AFAP1: variants seen among roughly 807,000 people sequenced by gnomAD.
AFAP1 encodes actin filament-associated protein 1.
AFAP1 carries 75 observed loss-of-function variants against 93.9 expected under a neutral mutation model. The ratio of observed to expected loss-of-function variants is 0.80; its 90% CI spans 0.66 to 0.97. AFAP1 has a LOEUF of 0.97. Ranked by LOEUF, AFAP1 falls within the 50% of genes least tolerant of loss-of-function variation. AFAP1 has a pLI of 0.00. For synonymous variants in AFAP1, 517 were observed against 430.7 expected (o/e 1.20, Z -2.48); for missense variants, 1,201 against 1,050.8 (o/e 1.14, Z -1.98).
chr4:7,777,881 T>G (rs566800238), intron 14 of AFAP1: 1 of 152,130 alleles, frequency 6.6e-6, no homozygotes. Context: ...GCCCCTTGAG[T>G]GAAAAAATGC....
intron 1 of AFAP1, among the ~76,000 whole-genome samples, chr4:7,889,905 A>G (rs1256057070): frequency 2.0e-5 from 3 of 151,272 alleles, no homozygotes; most frequent in East Asian, 1.9e-4. Context: ...GAGAGATACT[A>G]TATTTAGAAG....
chr4:7,865,534 T>C (rs997966205), intron 3 of AFAP1, among the ~76,000 whole-genome samples: 2 of 152,112 alleles, frequency 1.3e-5, no homozygotes, highest in African/African-American at 4.8e-5. Flanking sequence ...GCCATAACCA[T>C]TTTCCTACCA....
At chr4:7,886,577 A>G (rs1368882832) in intron 1 of AFAP1, among the ~76,000 whole-genome samples, 1 of 152,212 alleles carries the variant, frequency 6.6e-6, no homozygotes, top group Non-Finnish European at 1.5e-5. Flanking sequence ...GAACTGGTGT[A>G]AACTCCACAG....
chr4:7,892,270 C>A (rs891029327), intron 1 of AFAP1, among the ~76,000 whole-genome samples: 16 of 152,158 alleles, frequency 1.1e-4, no homozygotes, highest in Non-Finnish European at 1.3e-4. Flanking sequence ...GGCCTCTCGA[C>A]ATGGAATGAA....
chr4:7,822,009 T>C (rs1379308628), intron 6 of AFAP1, among the ~76,000 whole-genome samples: 1 of 152,228 alleles, frequency 6.6e-6, no homozygotes, highest in Non-Finnish European at 1.5e-5. Context: ...GTGATCTGTG[T>C]GTCTGATCTC....
chr4:7,905,544 G>C, intron 1 of AFAP1, among the ~76,000 whole-genome samples: 1 of 152,224 alleles, frequency 6.6e-6, no homozygotes, highest in Non-Finnish European at 1.5e-5. Context: ...TGAGAAACAG[G>C]TCAACTTTTC....
intron 6 of AFAP1, among the ~76,000 whole-genome samples, chr4:7,829,065 C>T (rs1247782748): frequency 6.6e-6 from 1 of 152,200 alleles, no homozygotes; most frequent in African/African-American, 2.4e-5. Context: ...TTGCTCCGCA[C>T]TTCTCTCCTG....
intron 1 of AFAP1, among the ~76,000 whole-genome samples, chr4:7,908,038 C>G (rs1260654382): frequency 2.0e-5 from 3 of 152,050 alleles, no homozygotes; most frequent in African/African-American, 7.2e-5. Flanking sequence ...GCGGTGAAAC[C>G]CCGTCTTTAC....
At chr4:7,868,982 A>AAAAAG (rs1318313965) in intron 2 of AFAP1, among the ~76,000 whole-genome samples, 5 of 151,722 alleles carry the variant, frequency 3.3e-5, no homozygotes, top group Admixed American at 6.6e-5. Context: ...AGAAAAAAGA[A>AAAAAG]AAAAGAAAAG....
intron 1 of AFAP1, 153 bp from the exon 2 acceptor site, chr4:7,872,233 C>T (rs1717117560): frequency 1.1e-5 from 10 of 906,344 alleles, no homozygotes; most frequent in Non-Finnish European, 1.6e-5. Context: ...AGCAGGTCCA[C>T]TAAAAGATTC....
intron 4 of AFAP1, among the ~76,000 whole-genome samples, chr4:7,853,189 G>T (rs1206450473): frequency 6.6e-6 from 1 of 151,562 alleles, no homozygotes; most frequent in Non-Finnish European, 1.5e-5. Flanking sequence ...GGCCCTGAGA[G>T]AAATCTGGGA....
intron 10 of AFAP1, among the ~76,000 whole-genome samples, chr4:7,798,209 G>A (rs6835778): frequency 0.39 from 25,991 of 66,792 alleles, 7,008 homozygotes; most frequent in African/African-American, 0.71. Flanking sequence ...GCTGGCTCAC[G>A]GCACTGCAAC....
intron 1 of AFAP1, among the ~76,000 whole-genome samples, chr4:7,911,565 G>A (rs911227026): frequency 2.0e-5 from 3 of 152,144 alleles, no homozygotes; most frequent in Non-Finnish European, 4.4e-5. Flanking sequence ...GCTCCTCCCA[G>A]CAGCCTTGCG....
chr4:7,781,262 A>C, intron 13 of AFAP1, 114 bp downstream of exon 13: 1 of 1,348,276 alleles, frequency 7.4e-7, no homozygotes, highest in Non-Finnish European at 9.9e-7. Context: ...TGAGAAAAAA[A>C]AAACACATTA....
intron 1 of AFAP1, among the ~76,000 whole-genome samples, chr4:7,901,491 G>A (rs951844590): frequency 1.4e-4 from 21 of 152,328 alleles, no homozygotes; most frequent in African/African-American, 4.1e-4. Flanking sequence ...ACCGGTCTCC[G>A]TGGGGACAGC....
chr4:7,832,956 G>C (rs1356736020), intron 6 of AFAP1, among the ~76,000 whole-genome samples: 1 of 152,116 alleles, frequency 6.6e-6, no homozygotes, highest in Non-Finnish European at 1.5e-5. Context: ...CCTCATGTAG[G>C]AGAATGAAAC....
intron 3 of AFAP1, among the ~76,000 whole-genome samples, chr4:7,866,189 G>A (rs1032123770): frequency 2.1e-4 from 30 of 140,162 alleles, no homozygotes; most frequent in African/African-American, 8.1e-4. Flanking sequence ...GAGCCACTGC[G>A]CCCAGCAGGT....
Position 7,819,069 on chromosome 4 carries a change from C to G in AFAP1, c.822+7G>C, listed in dbSNP as rs776212682. ...CCGTCCCCACCCAGCAAGAGCAGCG[C>G]CCTTACCTTCTCCAGTTCTGCCTTG... On this transcript the variant is annotated splice_region_variant and intron_variant, in intron 7 of 17. Transcript: ENST00000420658. The G allele has an allele frequency of 3.7e-6, 6 of 1,605,992 alleles. No homozygotes were observed. Among genetic ancestry groups the G allele is most frequent in the Non-Finnish European group, 5.1e-6 (6 of 1,176,648 alleles).
intron 14 of AFAP1, 117 bp from the exon 15 acceptor site, chr4:7,775,020 A>G (rs1715958409): frequency 1.6e-6 from 2 of 1,238,740 alleles, no homozygotes; most frequent in Non-Finnish European, 1.1e-6. Context: ...ACATGCCTAT[A>G]GTCCCAGCTA....
Sources: allele counts gnomAD v4.1 joint callset (sites outside exome capture counted in the v4.1 genomes callset), GRCh38; gene constraint gnomAD v4.1.1; transcripts MANE v1.5; gene names NCBI Gene and HGNC (gene_info 2026-07-23, HGNC 2026-07-21).